The following C10orf143 variants were observed in gnomAD, a reference collection of about 807,000 sequenced individuals.
The protein encoded by C10orf143 is uncharacterized protein C10orf143.
downstream of C10orf143, among the ~76,000 whole-genome samples, chr10:130,063,223 C>G (rs1009681682): frequency 2.6e-5 from 4 of 152,178 alleles, no homozygotes; most frequent in Admixed American, 6.5e-5. Flanking sequence ...GACACCTGCT[C>G]TCTCCATGAA....
At position 130,063,989 on chromosome 10, in the gene C10orf143, C is replaced by T. The variant is rs1424358067; in HGVS notation, c.*365G>A. ...ACGAAAAAGCATGATGGCGGGGCTGCGTCTGGGTGGGCCTCCATAGGCCAT... is the reference window on the plus strand; with the variant it reads ...ACGAAAAAGCATGATGGCGGGGCTGTGTCTGGGTGGGCCTCCATAGGCCAT... On this transcript the variant is annotated 3_prime_UTR_variant, in exon 4 of 4. Transcript: ENST00000637128. The T allele has an allele frequency of 2.0e-5, 4 of 196,470 alleles. No homozygotes were observed. The highest frequency in any genetic ancestry group is 3.1e-5 in the Non-Finnish European group (3 of 97,584). 12.2% of individuals were successfully genotyped at this position (196,470 alleles called of 1,614,324 possible). A position where few individuals can be genotyped will look rare whatever the true frequency, so the allele number is the denominator to read the frequency against.
intron 3 of C10orf143, among the ~76,000 whole-genome samples, chr10:130,047,350 G>A (rs966550216): frequency 6.6e-6 from 1 of 152,230 alleles, no homozygotes; most frequent in Non-Finnish European, 1.5e-5. Context: ...GGGAAATAAA[G>A]GCAGTCTGCT....
intron 3 of C10orf143, among the ~76,000 whole-genome samples, chr10:130,076,395 A>G (rs1266684561): frequency 6.6e-6 from 1 of 152,130 alleles, no homozygotes; most frequent in Admixed American, 6.5e-5. Flanking sequence ...TCTGGGAAAC[A>G]GTCTCCACAA....
At position 130,086,042 on chromosome 10, in the gene C10orf143, T is replaced by C. The variant is rs115856368; in HGVS notation, c.70-6141A>G. Among the ~76,000 whole-genome samples the C allele has an allele frequency of 3.3e-3, 496 of 152,330 alleles. 6 individuals are homozygous for C. The highest frequency in any genetic ancestry group is 0.011 in the African/African-American group (471 of 41,570). On this transcript the variant is annotated intron_variant, in intron 1 of 3. Transcript: ENST00000637128. ...AAAGATGTTCTTCAGACTCTTCATATCCTAGACACCCTAGTCCAGTGTTTC... is the reference window on the plus strand; with the variant it reads ...AAAGATGTTCTTCAGACTCTTCATACCCTAGACACCCTAGTCCAGTGTTTC...
At chr10:130,042,509 G>A (rs565657185) in intron 3 of C10orf143, among the ~76,000 whole-genome samples, 8 of 152,322 alleles carry the variant, frequency 5.3e-5, no homozygotes, top group East Asian at 3.9e-4. Flanking sequence ...TGGTTGGAGC[G>A]CGGAAGCCCT....
chr10:130,086,222 CG>C (rs1861289882), intron 1 of C10orf143, among the ~76,000 whole-genome samples: 2 of 152,150 alleles, frequency 1.3e-5, no homozygotes, highest in African/African-American at 2.4e-5. Flanking sequence ...CAGGTCCATG[CG>C]AGCTCACCTC....
intron 3 of C10orf143, among the ~76,000 whole-genome samples, chr10:130,073,348 C>T (rs1241808902): frequency 2.0e-5 from 3 of 152,192 alleles, no homozygotes; most frequent in Non-Finnish European, 4.4e-5. Flanking sequence ...CATGCATGGC[C>T]TGGTATTGTA....
intron 1 of C10orf143, among the ~76,000 whole-genome samples, chr10:130,084,475 A>T: frequency 6.6e-6 from 1 of 152,240 alleles, no homozygotes; most frequent in Non-Finnish European, 1.5e-5. Context: ...AAGTAAATAC[A>T]CTGTAAATAA....
chr10:130,087,829 G>A (rs954319122), intron 1 of C10orf143, among the ~76,000 whole-genome samples: 2 of 152,176 alleles, frequency 1.3e-5, no homozygotes, highest in African/African-American at 4.8e-5. Context: ...GGTGAGCAGA[G>A]CCCAGCGCCA....
chr10:130,101,925 G>GCAA, intron 1 of C10orf143, among the ~76,000 whole-genome samples: 1 of 126,474 alleles, frequency 7.9e-6, no homozygotes, highest in East Asian at 2.5e-4. Context: ...ATTATCACCA[G>GCAA]CAAACCTGTC....
At chr10:130,062,806 A>G (rs1250462479), downstream of C10orf143, among the ~76,000 whole-genome samples, 1 of 152,204 alleles carries the variant, frequency 6.6e-6, no homozygotes, top group Non-Finnish European at 1.5e-5. Flanking sequence ...CATTCTGGCC[A>G]GTTACACCTC....
chr10:130,093,674 C>A lies in C10orf143; in HGVS notation c.70-13773G>T, dbSNP rs1185248300. Among the ~76,000 whole-genome samples, 4 of 151,992 alleles carry A rather than the reference C, an allele frequency of 2.6e-5. 1 individual carries two copies. In the South Asian group the frequency reaches 8.3e-4, roughly 32 times the overall value. ...CAAAATACATAGGCCACTAGCCAGACTGATAAAGAATAAAAGAGAGAAGAA... is the reference window on the plus strand; with the variant it reads ...CAAAATACATAGGCCACTAGCCAGAATGATAAAGAATAAAAGAGAGAAGAA... On this transcript the variant is annotated intron_variant, in intron 1 of 3. Transcript: ENST00000637128.
chr10:130,106,281 C>T, intron 1 of C10orf143: 1 of 1,572,458 alleles, frequency 6.4e-7, no homozygotes. Context: ...AAAAAGCTTG[C>T]TATAATGCTT....
intron 1 of C10orf143, among the ~76,000 whole-genome samples, chr10:130,088,988 A>T (rs1224223782): frequency 6.6e-6 from 1 of 152,074 alleles, no homozygotes; most frequent in Non-Finnish European, 1.5e-5. Flanking sequence ...GACCTTTTTT[A>T]AAAAAGACTC....
chr10:130,089,487 C>A (rs1861346628), intron 1 of C10orf143, among the ~76,000 whole-genome samples: 1 of 152,010 alleles, frequency 6.6e-6, no homozygotes, highest in Non-Finnish European at 1.5e-5. Context: ...AAAAAAAAAC[C>A]TTAGCCAACT....
intron 1 of C10orf143, among the ~76,000 whole-genome samples, chr10:130,091,958 A>C (rs1446345708): frequency 6.6e-6 from 1 of 152,240 alleles, no homozygotes; most frequent in African/African-American, 2.4e-5. Context: ...CCTGAAAGTG[A>C]CAGGGAGAAT....
intron 1 of C10orf143, among the ~76,000 whole-genome samples, chr10:130,099,255 G>C (rs1022789352): frequency 6.6e-6 from 1 of 152,050 alleles, no homozygotes; most frequent in Non-Finnish European, 1.5e-5. Context: ...GTATAATATA[G>C]CTCAACAGAT....
At chr10:130,048,184 C>T (rs765819856) in intron 3 of C10orf143, among the ~76,000 whole-genome samples, 11 of 152,152 alleles carry the variant, frequency 7.2e-5, no homozygotes, top group Admixed American at 2.6e-4. Flanking sequence ...GCTTGCCAGC[C>T]CTCTGTGGAT....
In C10orf143 at chr10:130,064,215, C is replaced by T. The variant is rs1445455661; in HGVS notation, c.*139G>A. 2.3e-5 allele frequency: 9 copies of T among 393,212 alleles called. No homozygotes were observed. Among genetic ancestry groups the T allele is most frequent in the Non-Finnish European group, 3.1e-5 (7 of 223,264 alleles). 24.4% of individuals were successfully genotyped at this position (393,212 alleles called of 1,614,324 possible). The stretch of plus-strand genomic sequence containing the variant: ...TACTAGAATGAAAGGACAGACAAAC[C>T]TCCCCCCACCCACAGAGGACACCGG... On this transcript the variant is annotated 3_prime_UTR_variant, in exon 4 of 4. Coordinates refer to ENST00000637128, the MANE Select transcript of C10orf143 (RefSeq NM_001355042.2).
Sources: gnomAD v4.1 joint callset for allele counts (sites outside exome capture counted in the v4.1 genomes callset) on GRCh38, gnomAD v4.1.1 for gene constraint, MANE v1.5 for transcripts, NCBI Gene and HGNC (gene_info 2026-07-23, HGNC 2026-07-21) for gene names.